PLXNC1: variants seen among roughly 807,000 people sequenced by gnomAD.
PLXNC1 encodes plexin-C1.
A neutral mutation model predicts 178.2 loss-of-function variants in PLXNC1; 75 were observed. That is an observed-to-expected ratio of 0.42 (90% confidence interval 0.35 to 0.51). The LOEUF (loss-of-function observed/expected upper bound fraction) is 0.51. Ranked by LOEUF, PLXNC1 falls within the 20% of genes least tolerant of loss-of-function variation. PLXNC1 has a pLI of 0.02. For missense variants in PLXNC1, 1,503 were observed against 1,984.4 expected, an observed-to-expected ratio of 0.76 and a Z score of 4.61; for synonymous variants, 790 against 779.9, an observed-to-expected ratio of 1.01 and a Z score of -0.22.
chr12:94,208,134 C>T lies in PLXNC1; in HGVS notation c.1440-1456C>T, dbSNP rs556141721. ...TTTAATTTGAACTTAATGTCTTTGA[C>T]GGATGAGCTAGCCATCAAGGGTCAG... is the stretch of plus-strand genomic sequence containing the variant. On this transcript the variant is annotated intron_variant, in intron 4 of 30. Transcript: ENST00000258526. Among the ~76,000 whole-genome samples the T allele has an allele frequency of 7.9e-5, 12 of 152,312 alleles. 2 individuals carry two copies. The highest frequency in any genetic ancestry group is 1.9e-4 in the East Asian group (1 of 5,186).
chr12:94,281,002 G>C (rs1409981504), intron 22 of PLXNC1, among the ~76,000 whole-genome samples: 1 of 152,178 alleles, frequency 6.6e-6, no homozygotes, highest in East Asian at 1.9e-4. Flanking sequence ...CACCAGGCTG[G>C]ACGTGGTGGC....
rs571775790 is a variant in PLXNC1, at chr12:94,257,768, A to C, written c.3088-1569A>C. Reference sequence around the variant, plus strand: ...AAAAATACAAAAAAATTAGCCAGGCATGGTGGCGGGCGCCTGTAGTCCCAG... The same window carrying C: ...AAAAATACAAAAAAATTAGCCAGGCCTGGTGGCGGGCGCCTGTAGTCCCAG... On this transcript the variant is annotated intron_variant, in intron 17 of 30. Transcript: ENST00000258526. 4.8e-3 allele frequency among the ~76,000 whole-genome samples: 736 copies of C among 152,194 alleles called. 4 individuals carry two copies. The highest frequency in any genetic ancestry group is 7.3e-3 in the Non-Finnish European group (499 of 67,980).
intron 4 of PLXNC1, among the ~76,000 whole-genome samples, chr12:94,201,242 C>T (rs1963106784): frequency 6.6e-6 from 1 of 152,202 alleles, no homozygotes; most frequent in African/African-American, 2.4e-5. Context: ...ATTAAGAATC[C>T]CCCAAGAAGC....
chr12:94,150,067 C>G (rs545830619), intron 1 of PLXNC1, 34 bp downstream of exon 1: 2 of 1,500,642 alleles, frequency 1.3e-6, no homozygotes, highest in Non-Finnish European at 1.8e-6. Context: ...GCGGAGAGCG[C>G]TGCTGCCGGG....
chr12:94,229,411 A>G (rs1964030196), intron 9 of PLXNC1, among the ~76,000 whole-genome samples: 1 of 152,160 alleles, frequency 6.6e-6, no homozygotes, highest in Non-Finnish European at 1.5e-5. Context: ...ATTTTGATGA[A>G]GTCCAGTTCA....
chr12:94,208,636 C>G (rs1299258444), intron 4 of PLXNC1, among the ~76,000 whole-genome samples: 1 of 152,208 alleles, frequency 6.6e-6, no homozygotes, highest in African/African-American at 2.4e-5. Context: ...GTTTACCACC[C>G]CTGCATTTTA....
In PLXNC1 at chr12:94,259,326, C is replaced by T; in HGVS notation, c.3088-11C>T. The T allele has an allele frequency of 6.3e-7, 1 of 1,583,354 alleles. No individual in the cohort carries two copies. Among genetic ancestry groups the T allele is most frequent in the Non-Finnish European group, 8.6e-7 (1 of 1,163,772 alleles). On this transcript the variant is annotated splice_polypyrimidine_tract_variant and intron_variant, in intron 17 of 30. Coordinates refer to ENST00000258526, the MANE Select transcript of PLXNC1 (RefSeq NM_005761.3). ...ATGTTATGAATAATAAAAGTGTCTC[C>T]TTCCTCTCAGTCAGGTGGCTTCACC...
chr12:94,258,283 GTTTTTTTGGTTTGTTTTTTTGGGGC>G (rs1964910725), intron 17 of PLXNC1, among the ~76,000 whole-genome samples: 1 of 152,106 alleles, frequency 6.6e-6, no homozygotes, highest in Admixed American at 6.5e-5. Context: ...GGGTCTGGGG[GTTTTTTTGGTTTGTTTTTTTGGGGC>G]TTTTTTGCTT....
intron 23 of PLXNC1, among the ~76,000 whole-genome samples, chr12:94,293,549 C>T (rs780700331): frequency 1.2e-4 from 18 of 152,190 alleles, no homozygotes; most frequent in Non-Finnish European, 2.6e-4. Flanking sequence ...TCCTGGTTTG[C>T]TGAGAGCCGT....
At chr12:94,226,505 C>A in intron 7 of PLXNC1, 100 bp from the exon 8 acceptor site, 2 of 594,730 alleles carry the variant, frequency 3.4e-6, no homozygotes, top group South Asian at 2.1e-5. Context: ...TTTTTTTTTG[C>A]CTTCTTTTAA....
rs969409682 is a variant in PLXNC1, at chr12:94,301,040, G to C, written c.4369G>C (p.Glu1457Gln). Residue 1457 changes from glutamate to glutamine, a missense_variant, in exon 28 of 31, where the codon GAG becomes CAG. Physicochemically the swap from Glu to Gln is conservative, Grantham distance 29. Transcript: ENST00000258526. The part of the protein sequence containing the change: ...QAFMDAFSLT[E>Q]QQLGKEAPTN... ...ATTCATGGATGCATTTTCTCTCACA[G>C]AGCAGCAACTAGGGAAGGTAAGGCC... is the stretch of plus-strand genomic sequence containing the variant. 4.3e-6 allele frequency: 7 copies of C among 1,613,674 alleles called. No individual in the cohort carries two copies. Among genetic ancestry groups the C allele is most frequent in the Non-Finnish European group, 5.9e-6 (7 of 1,179,778 alleles).
chr12:94,224,883 G>C (rs1453068484), intron 7 of PLXNC1, among the ~76,000 whole-genome samples: 1 of 152,222 alleles, frequency 6.6e-6, no homozygotes, highest in Non-Finnish European at 1.5e-5. Context: ...TCCAGTCTGA[G>C]TGACAGAGTG....
In PLXNC1 at chr12:94,148,960, C is replaced by A. The variant is rs570565200; in HGVS notation, c.-12C>A. ...GCCGCGCGCCCTGCCCGGGGGCGGC[C>A]CCCCCAGCCCCATGGAGGTCTCCCG... On this transcript the variant is annotated 5_prime_UTR_variant, in exon 1 of 31. Transcript: ENST00000258526. The surrounding 1 kb of genome is among the most constrained non-coding windows in gnomAD (Gnocchi z 4.8). The A allele has an allele frequency of 9.6e-6, 11 of 1,140,108 alleles. No individual in the cohort carries two copies. Among genetic ancestry groups the A allele is most frequent in the East Asian group, 6.6e-5 (2 of 30,382 alleles). The allele number at this position is 1,140,108 out of a possible 1,614,324, so 70.6% of individuals were successfully genotyped here.
chr12:94,177,527 GAGAA>G (rs927784615), intron 2 of PLXNC1, among the ~76,000 whole-genome samples: 20 of 89,216 alleles, frequency 2.2e-4, no homozygotes, highest in South Asian at 5.9e-4. Context: ...GAGAGAGAGG[GAGAA>G]AGAAAGAAAG....
At chr12:94,246,112 A>G (rs1964521755) in intron 12 of PLXNC1, among the ~76,000 whole-genome samples, 1 of 152,134 alleles carries the variant, frequency 6.6e-6, no homozygotes, top group Admixed American at 6.6e-5. Context: ...AGAGTGTCCA[A>G]CCCCCAGCAG....
Position 94,150,020 on chromosome 12 carries a change from C to A in PLXNC1, c.1049C>A (p.Ala350Asp). The A allele has an allele frequency of 6.3e-7, 1 of 1,593,756 alleles. No individual in the cohort carries two copies. Among genetic ancestry groups the A allele is most frequent in the Admixed American group, 1.7e-5 (1 of 57,530 alleles). The stretch of plus-strand genomic sequence containing the variant: ...AGGGTCAGCTGGGACTTCAAGACGG[C>A]CGAGAGCCACTGCGTAAGTCCTGCC... ...AKRVSWDFKT[A>D]ESHCKEGDQP... The change falls in exon 1 of 31, where the codon GCC becomes GAC. Residue 350 changes from alanine (A) to aspartate (D), a missense_variant. Physicochemically the swap from Ala to Asp is moderately radical, Grantham distance 126. Transcript: ENST00000258526.
At chr12:94,303,288 T>C (rs1486712704) in intron 28 of PLXNC1, among the ~76,000 whole-genome samples, 1 of 152,164 alleles carries the variant, frequency 6.6e-6, no homozygotes, top group Non-Finnish European at 1.5e-5. Flanking sequence ...AATCTGCCTC[T>C]GCCAATTACT....
At chr12:94,277,716 T>C (rs1966082953) in intron 21 of PLXNC1, 1 of 345,256 alleles carries the variant, frequency 2.9e-6, no homozygotes, top group African/African-American at 2.1e-5. Flanking sequence ...CAATGTGGGC[T>C]GAATCTGTTT....
chr12:94,190,652 C>G (rs894824759), intron 4 of PLXNC1, among the ~76,000 whole-genome samples: 1 of 152,220 alleles, frequency 6.6e-6, no homozygotes, highest in African/African-American at 2.4e-5. Flanking sequence ...AATACCCTCC[C>G]CTGGCTTTCC....
Sources: gnomAD v4.1 joint callset for allele counts (sites outside exome capture counted in the v4.1 genomes callset) on GRCh38, gnomAD v4.1.1 for gene constraint, Gnocchi (gnomAD v3.1) non-coding constraint, MANE v1.5 for transcripts, NCBI Gene and HGNC (gene_info 2026-07-23, HGNC 2026-07-21) for gene names.